VWDE: variants seen among roughly 807,000 people sequenced by gnomAD.
The protein encoded by VWDE is von Willebrand factor D and EGF domains.
In VWDE, 207 loss-of-function variants were observed where a neutral mutation model predicts 178.4. The ratio of observed to expected loss-of-function variants is 1.16; its 90% confidence interval spans 1.04 to 1.30. VWDE has a LOEUF of 1.30. Among genes scored for constraint, VWDE ranks in the 50% most tolerant of loss-of-function variants. VWDE has a pLI of 0.00. For synonymous variants in VWDE, 738 were observed against 651.4 expected (o/e 1.13, Z -2.02); for missense variants, 2,287 against 1,901.3 (o/e 1.20, Z -3.77).
At chr7:12,334,112 C>G (rs914781904) in intron 27 of VWDE, among the ~76,000 whole-genome samples, 2 of 152,052 alleles carry the variant, frequency 1.3e-5, no homozygotes, top group African/African-American at 4.8e-5. Flanking sequence ...ATACCTACAT[C>G]TATCTCAATA....
At position 12,348,127 on chromosome 7, in the gene VWDE, G is replaced by A. The variant is rs1043537098; in HGVS notation, c.3886+3446C>T. ...ACCTAAAACCATAAAAACCCTAGAA[G>A]AAAACCTAGGCAATACCATTCAGGA... On this transcript the variant is annotated intron_variant, in intron 19 of 28. Transcript: ENST00000275358. 4.9e-4 allele frequency among the ~76,000 whole-genome samples: 75 copies of A among 151,810 alleles called. 1 individual carries two copies. The highest frequency in any genetic ancestry group is 1.7e-3 in the African/African-American group (72 of 41,306).
intron 3 of VWDE, among the ~76,000 whole-genome samples, chr7:12,387,301 A>G (rs1348396181): frequency 6.6e-6 from 1 of 152,064 alleles, no homozygotes; most frequent in Non-Finnish European, 1.5e-5. Flanking sequence ...TAAAAACAGA[A>G]TGTGAAATTG....
At chr7:12,346,925 A>T (rs891459783) in intron 19 of VWDE, among the ~76,000 whole-genome samples, 1 of 152,126 alleles carries the variant, frequency 6.6e-6, no homozygotes, top group Non-Finnish European at 1.5e-5. Flanking sequence ...TGAACCAAAA[A>T]CAACAAAAAT....
intron 7 of VWDE, among the ~76,000 whole-genome samples, chr7:12,375,649 G>T (rs1432695293): frequency 6.6e-6 from 1 of 151,864 alleles, no homozygotes; most frequent in African/African-American, 2.4e-5. Flanking sequence ...TAGCATATGT[G>T]TTCATGTTCC....
Position 12,393,573 on chromosome 7 carries a change from G to C in VWDE, c.243+21C>G, listed in dbSNP as rs1323022709. On this transcript the variant is annotated intron_variant, in intron 2 of 28. Transcript: ENST00000275358. ...AAACACATAAGGAAAATAACATGCAGTACTTAGGGAGTTGACATACCTCAA... is the reference window on the plus strand; with the variant it reads ...AAACACATAAGGAAAATAACATGCACTACTTAGGGAGTTGACATACCTCAA... 5 of 1,516,164 alleles carry C rather than the reference G, an allele frequency of 3.3e-6. No homozygotes were observed. The Admixed American group carries it at 6.4e-5, about 19-fold the overall frequency. The allele number at this position is 1,516,164 out of a possible 1,614,324, so 93.9% of individuals were successfully genotyped here. A position where few individuals can be genotyped will look rare whatever the true frequency, so the allele number is the denominator to read the frequency against.
intron 5 of VWDE, among the ~76,000 whole-genome samples, chr7:12,379,917 C>A (rs1017573258): frequency 1.3e-5 from 2 of 151,906 alleles, no homozygotes. Context: ...CATTGTGAAA[C>A]CCCGTCTCTA....
intron 19 of VWDE, among the ~76,000 whole-genome samples, chr7:12,346,996 G>A (rs17670901): frequency 0.12 from 18,048 of 152,054 alleles, 1,358 homozygotes; most frequent in Non-Finnish European, 0.16. Context: ...TGAGGACTTC[G>A]TGAAACATAA....
intron 23 of VWDE, among the ~76,000 whole-genome samples, chr7:12,340,700 T>C (rs1562462651): frequency 1.3e-5 from 2 of 152,194 alleles, no homozygotes; most frequent in South Asian, 2.1e-4. Flanking sequence ...ATGACGGTGC[T>C]CCTGCTCTAT....
At chr7:12,401,834 G>C (rs888584630) in intron 1 of VWDE, among the ~76,000 whole-genome samples, 1 of 151,938 alleles carries the variant, frequency 6.6e-6, no homozygotes, top group African/African-American at 2.4e-5. Context: ...AACAAAACTT[G>C]TACCTCGGTG....
At chr7:12,348,971 C>T (rs1367704799) in intron 19 of VWDE, among the ~76,000 whole-genome samples, 1 of 151,948 alleles carries the variant, frequency 6.6e-6, no homozygotes, top group Non-Finnish European at 1.5e-5. Flanking sequence ...TAAACTATCG[C>T]AAGAACAAAA....
chr7:12,364,015 A>G (rs1189036092), intron 13 of VWDE, among the ~76,000 whole-genome samples: 2 of 152,030 alleles, frequency 1.3e-5, no homozygotes, highest in Admixed American at 6.6e-5. Flanking sequence ...TCTGAAACTG[A>G]CTTACATATA....
In VWDE at chr7:12,340,393, T is replaced by C. The variant is rs768360768; in HGVS notation, c.4295A>G (p.Asn1432Ser). 5.0e-5 allele frequency: 78 copies of C among 1,551,330 alleles called. No homozygotes were observed. The highest frequency in any genetic ancestry group is 6.5e-5 in the Non-Finnish European group (75 of 1,146,844). The change falls in exon 24 of 29, where the codon AAT (asparagine) becomes AGT (serine). Residue 1432 changes from asparagine (N) to serine (S), a missense_variant. Transcript: ENST00000275358. ...ATTTGGCTTATTACACGAACCACCA[T>C]TGAGGCAGACAGGGTCGCACAAAGC... is the stretch of plus-strand genomic sequence containing the variant. ...STALCDPVCL[N>S]GGSCNKPNTC...
chr7:12,397,332 T>C (rs185195526), intron 1 of VWDE, among the ~76,000 whole-genome samples: 63 of 152,300 alleles, frequency 4.1e-4, no homozygotes, highest in African/African-American at 1.3e-3. Flanking sequence ...GGACTCCCTA[T>C]TCAATAAATG....
At chr7:12,393,099 G>A (rs1197230256) in intron 2 of VWDE, among the ~76,000 whole-genome samples, 3 of 152,124 alleles carry the variant, frequency 2.0e-5, no homozygotes, top group African/African-American at 7.2e-5. Flanking sequence ...AGAATAGGAG[G>A]TGCTGAGCCC....
rs573107713 is a variant in VWDE at position 12,331,635 on chromosome 7, C to T, written c.4759-438G>A. On this transcript the variant is annotated intron_variant, in intron 28 of 28. Coordinates refer to ENST00000275358, the MANE Select transcript of VWDE (RefSeq NM_001135924.3). ...TACATAGTGCTTGTTATGTCCCAGG[C>T]ACCACTCTAGGTACTTCACATATAT... Among the ~76,000 whole-genome samples the T allele has an allele frequency of 2.8e-4, 42 of 152,220 alleles. 1 individual carries two copies. The South Asian group carries it at 6.8e-3, about 25-fold the overall frequency.
At chr7:12,403,119 A>T (rs900076710) in intron 1 of VWDE, among the ~76,000 whole-genome samples, 1 of 152,258 alleles carries the variant, frequency 6.6e-6, no homozygotes, top group Non-Finnish European at 1.5e-5. Flanking sequence ...TCTCTTTTAC[A>T]GTGCCAAAAC....
In VWDE at chr7:12,370,812, A is replaced by G; in HGVS notation, c.1640T>C (p.Met547Thr). 6.4e-7 allele frequency: 1 copy of G among 1,551,130 alleles called. No homozygotes were observed. Among genetic ancestry groups the G allele is most frequent in the Non-Finnish European group, 8.7e-7 (1 of 1,146,640 alleles). ...FIRADLGEWG[M>T]SLTIRAPSVD... ...ACTAGGGGCTCTGATCGTTAGACTC[A>G]TGCCCCATTCACCAAGATCAGCACG... The change falls in exon 11 of 29, where the codon ATG becomes ACG. Residue 547 changes from methionine (M) to threonine (T), a missense_variant. Transcript: ENST00000275358.
At chr7:12,376,618 T>G in intron 7 of VWDE, among the ~76,000 whole-genome samples, 1 of 152,120 alleles carries the variant, frequency 6.6e-6, no homozygotes, top group East Asian at 1.9e-4. Context: ...CCTCTTTCTG[T>G]TCTCTCCATA....
chr7:12,373,323 C>T lies in VWDE; in HGVS notation c.1317-76G>A, dbSNP rs1025344082. 5.6e-6 allele frequency: 8 copies of T among 1,418,130 alleles called. No homozygotes were observed. In the Admixed American group the frequency reaches 8.3e-5, roughly 15 times the overall value. The allele number at this position is 1,418,130 out of a possible 1,614,324, so 87.8% of individuals were successfully genotyped here. On this transcript the variant is annotated intron_variant, in intron 9 of 28. Transcript: ENST00000275358. ...ATAGTATGTTATTGATTTGCAACAG[C>T]TTTATGTATCACGATCATTTTGTTG... is the stretch of plus-strand genomic sequence containing the variant.
Sources: allele counts gnomAD v4.1 joint callset (sites outside exome capture counted in the v4.1 genomes callset), GRCh38; gene constraint gnomAD v4.1.1; transcripts MANE v1.5; gene names NCBI Gene and HGNC (gene_info 2026-07-23, HGNC 2026-07-21).